Variants in RSF1 observed in about 807,000 individuals in gnomAD.
RSF1 encodes remodeling and spacing factor 1.
In RSF1, 13 loss-of-function variants were observed where a neutral mutation model predicts 145.2. That is an observed-to-expected ratio of 0.09 (90% confidence interval 0.06 to 0.14). The LOEUF (loss-of-function observed/expected upper bound fraction) is 0.14. RSF1 is among the 10% of genes least tolerant of loss of function. The pLI, the probability that RSF1 is intolerant of heterozygous loss-of-function variation, is 1.00. For missense variants in RSF1, 1,517 were observed against 1,718.2 expected (o/e 0.88, Z 2.07); for synonymous variants, 577 against 592.6 (o/e 0.97, Z 0.38).
chr11:77,674,975 A>T, intron 14 of RSF1, 61 bp downstream of exon 14: 1 of 1,367,402 alleles, frequency 7.3e-7, no homozygotes, highest in Non-Finnish European at 1.0e-6. Flanking sequence ...CTCCAGCATG[A>T]GCAACAAGAA....
intron 1 of RSF1, among the ~76,000 whole-genome samples, chr11:77,774,713 G>A (rs974930621): frequency 6.6e-6 from 1 of 151,362 alleles, no homozygotes; most frequent in Non-Finnish European, 1.5e-5. Context: ...GATCACCTGA[G>A]GTCAGGAGTT....
chr11:77,793,351 G>A (rs770733502), intron 1 of RSF1, among the ~76,000 whole-genome samples: 17 of 152,130 alleles, frequency 1.1e-4, no homozygotes, highest in Non-Finnish European at 1.9e-4. Context: ...CAGGCGTGGT[G>A]GCCTGCACCT....
chr11:77,825,701 T>G (rs947521135), upstream of RSF1, among the ~76,000 whole-genome samples: 7 of 151,636 alleles, frequency 4.6e-5, no homozygotes, highest in Non-Finnish European at 1.0e-4. Flanking sequence ...TTTTTTTGTT[T>G]TTTTTTTTTT....
chr11:77,727,590 C>T (rs1565161748), intron 4 of RSF1, among the ~76,000 whole-genome samples: 1 of 150,596 alleles, frequency 6.6e-6, no homozygotes, highest in Non-Finnish European at 1.5e-5. Flanking sequence ...GATTTTCCTG[C>T]CTCAGACTCC....
chr11:77,821,973 A>G (rs1226083128), upstream of RSF1, among the ~76,000 whole-genome samples: 7 of 152,176 alleles, frequency 4.6e-5, no homozygotes, highest in Non-Finnish European at 1.5e-5. Flanking sequence ...GATAAATCAC[A>G]GTAAAGTGAT....
intron 1 of RSF1, among the ~76,000 whole-genome samples, chr11:77,774,557 C>T (rs1159125256): frequency 2.0e-5 from 3 of 147,570 alleles, no homozygotes; most frequent in East Asian, 4.0e-4. Flanking sequence ...GGCCACAGAG[C>T]GAGACTCTGT....
chr11:77,794,052 T>C lies in RSF1; in HGVS notation c.187+26476A>G, dbSNP rs149376012. Among the ~76,000 whole-genome samples, 88 of 152,136 alleles carry C rather than the reference T, an allele frequency of 5.8e-4. No homozygotes were observed. The East Asian group carries it at 0.014, about 23-fold the overall frequency. ...AGTTCACAAAGAAAATATTACTAGA[T>C]CTAAACAGAGAGACAGACTCCAGTA... On this transcript the variant is annotated intron_variant, in intron 1 of 15. Transcript: ENST00000308488.
chr11:77,826,723 G>A, the RSF1 span, among the ~76,000 whole-genome samples: 1 of 152,164 alleles, frequency 6.6e-6, no homozygotes, highest in Non-Finnish European at 1.5e-5. Context: ...TAATCTCAAT[G>A]AAATGAACAC....
intron 4 of RSF1, among the ~76,000 whole-genome samples, chr11:77,733,293 T>G (rs2135898482): frequency 6.6e-6 from 1 of 152,364 alleles, no homozygotes; most frequent in South Asian, 2.1e-4. Flanking sequence ...TGGTTTTAAT[T>G]GGAAATTCTA....
rs1029591364 is a variant in RSF1, at chr11:77,776,656, TCTTA to T, written c.188-11971_188-11968del. ...TATTCACCAGCAGATGGTGATCATG[TCTTA>T]CTTAAAGAAAAATTCTGACACCTTA... On this transcript the variant is annotated intron_variant, in intron 1 of 15. Coordinates refer to ENST00000308488, the MANE Select transcript of RSF1 (RefSeq NM_016578.4). Among the ~76,000 whole-genome samples, 6 of 152,336 alleles carry T rather than the reference TCTTA, an allele frequency of 3.9e-5. No individual in the cohort carries two copies. In the East Asian group the frequency reaches 1.2e-3, roughly 29 times the overall value.
At chr11:77,706,625 G>T (rs1174930984) in intron 5 of RSF1, among the ~76,000 whole-genome samples, 1 of 151,616 alleles carries the variant, frequency 6.6e-6, no homozygotes, top group Non-Finnish European at 1.5e-5. Flanking sequence ...GTAAGCAATT[G>T]CTATTTTGTA....
At chr11:77,669,809 T>C (rs1230656262) in intron 15 of RSF1, among the ~76,000 whole-genome samples, 2 of 152,026 alleles carry the variant, frequency 1.3e-5, no homozygotes, top group Non-Finnish European at 2.9e-5. Context: ...TGTAAACAAA[T>C]TGGTATGGTA....
chr11:77,706,730 G>A lies in RSF1; in HGVS notation c.734-4235C>T, dbSNP rs534432365. ...CAGGTTTGTTATACAGGTAAATTGC[G>A]TATCATGAGGGTTTGACATACAGAT... On this transcript the variant is annotated intron_variant, in intron 5 of 15. Coordinates refer to ENST00000308488, the MANE Select transcript of RSF1 (RefSeq NM_016578.4). Among the ~76,000 whole-genome samples, 219 of 151,864 alleles carry A rather than the reference G, an allele frequency of 1.4e-3. 2 individuals carry two copies. Among genetic ancestry groups the A allele is most frequent in the Non-Finnish European group, 2.5e-3 (168 of 67,948 alleles).
the RSF1 span, chr11:77,868,988 G>A: frequency 3.2e-6 from 1 of 307,764 alleles, no homozygotes; most frequent in Non-Finnish European, 6.2e-6. Context: ...ACAGCACGTT[G>A]GGTAATACCG....
upstream of RSF1, among the ~76,000 whole-genome samples, chr11:77,823,559 A>G (rs1949030112): frequency 7.1e-6 from 1 of 140,768 alleles, no homozygotes; most frequent in Non-Finnish European, 1.5e-5. Context: ...GTGAGACCTC[A>G]TCTGTAATCC....
intron 1 of RSF1, 80 bp downstream of exon 1, chr11:77,820,448 G>A (rs1443197448): frequency 5.6e-6 from 8 of 1,423,254 alleles, no homozygotes; most frequent in African/African-American, 1.4e-5. Context: ...GAGCCGCGAA[G>A]AACCGGGGCG....
chr11:77,683,908 T>A, intron 10 of RSF1, 89 bp from the exon 11 acceptor site: 2 of 938,886 alleles, frequency 2.1e-6, no homozygotes, highest in Non-Finnish European at 3.2e-6. Context: ...TCCATTTAGG[T>A]AGCACATGTG....
upstream of RSF1, among the ~76,000 whole-genome samples, chr11:77,821,836 C>T (rs952260736): frequency 3.9e-5 from 6 of 152,100 alleles, no homozygotes; most frequent in Non-Finnish European, 8.8e-5. Flanking sequence ...GCTTAGAAGC[C>T]TGAGCTTTGG....
intron 1 of RSF1, among the ~76,000 whole-genome samples, chr11:77,784,538 A>T (rs1948435629): frequency 6.6e-6 from 1 of 152,058 alleles, no homozygotes. Flanking sequence ...TAGTAATTTG[A>T]GCCATATTGA....
Sources: gnomAD v4.1 joint callset for allele counts (sites outside exome capture counted in the v4.1 genomes callset) on GRCh38, gnomAD v4.1.1 for gene constraint, MANE v1.5 for transcripts, NCBI Gene and HGNC (gene_info 2026-07-23, HGNC 2026-07-21) for gene names.